FAM3B: variants seen among roughly 807,000 people sequenced by gnomAD.
FAM3B encodes the protein FAM3 metabolism regulating signaling molecule B, also known as protein FAM3B.
A neutral mutation model predicts 28.4 loss-of-function variants in FAM3B; 29 were observed. The ratio of observed to expected loss-of-function variants is 1.02; its 90% CI spans 0.76 to 1.39. FAM3B has a LOEUF of 1.39. Among genes scored for constraint, FAM3B ranks in the 40% most tolerant of loss-of-function variants. The pLI, the probability that FAM3B is intolerant of heterozygous loss-of-function variation, is 0.00. For synonymous variants in FAM3B, 91 were observed against 103.0 expected, an observed-to-expected ratio of 0.88 and a Z score of 0.71; for missense variants, 266 against 293.9, an observed-to-expected ratio of 0.91 and a Z score of 0.69.
At chr21:41,354,269 G>GA (rs2089145898) in intron 7 of FAM3B, among the ~76,000 whole-genome samples, 1 of 152,182 alleles carries the variant, frequency 6.6e-6, no homozygotes. Context: ...TATTTGACCA[G>GA]CAATCCCATT....
intron 2 of FAM3B, among the ~76,000 whole-genome samples, chr21:41,331,826 T>C (rs1248388328): frequency 6.6e-6 from 1 of 152,234 alleles, no homozygotes; most frequent in African/African-American, 2.4e-5. Flanking sequence ...CTTGCTTCTG[T>C]TTTCTGTCTA....
chr21:41,352,820 T>TAAATAAATAAATAAAC (rs61423023), intron 7 of FAM3B, among the ~76,000 whole-genome samples: 10,989 of 150,016 alleles, frequency 0.073, 1,217 homozygotes, highest in African/African-American at 0.23. Context: ...AATAAATAAA[T>TAAATAAATAAATAAAC]AAATAAAGGA....
chr21:41,344,653 A>G, intron 4 of FAM3B, 119 bp downstream of exon 4: 1 of 718,840 alleles, frequency 1.4e-6, no homozygotes, highest in East Asian at 2.7e-5. Flanking sequence ...ATTTTAATGC[A>G]TTTTAAGATT....
rs66513129 is a variant in FAM3B, at chr21:41,348,105, CTCTAAA to C, written c.486-483_486-478del. ...TTCCTGTCTACCCTCCTGTCACTTC[CTCTAAA>C]TCTTAATGTTTGCAGTGGCAGTATT... On this transcript the variant is annotated intron_variant, in intron 6 of 7. Transcript: ENST00000357985. Among the ~76,000 whole-genome samples, 354 of 152,316 alleles carry C rather than the reference CTCTAAA, an allele frequency of 2.3e-3. 3 individuals are homozygous for C. Among genetic ancestry groups the C allele is most frequent in the Middle Eastern group, 0.01 (3 of 294 alleles).
intron 1 of FAM3B, among the ~76,000 whole-genome samples, chr21:41,308,431 G>A (rs1180236459): frequency 1.3e-5 from 2 of 152,136 alleles, no homozygotes; most frequent in Non-Finnish European, 2.9e-5. Flanking sequence ...AACAATCTGT[G>A]CAGCTGCCGT....
At chr21:41,315,403 A>G (rs141379970), upstream of FAM3B, among the ~76,000 whole-genome samples, 231 of 152,322 alleles carry the variant, frequency 1.5e-3, no homozygotes, top group African/African-American at 5.4e-3. Flanking sequence ...AAGATGGCTA[A>G]GGTGGTAATT....
intron 2 of FAM3B, among the ~76,000 whole-genome samples, chr21:41,335,552 C>CT (rs1321945499): frequency 6.6e-6 from 1 of 152,158 alleles, no homozygotes; most frequent in Non-Finnish European, 1.5e-5. Context: ...CTTTGCCTTC[C>CT]ACCATGATTG....
chr21:41,338,501 T>C lies in FAM3B; in HGVS notation c.287T>C (p.Leu96Pro), dbSNP rs1601364567. 8.7e-6 allele frequency: 14 copies of C among 1,613,952 alleles called. No individual in the cohort carries two copies. The highest frequency in any genetic ancestry group is 1.1e-5 in the Non-Finnish European group (13 of 1,179,986). Residue 96 changes from leucine to proline, a missense_variant and splice_region_variant, in exon 3 of 8, where the codon CTA becomes CCA. Coordinates refer to ENST00000357985, the MANE Select transcript of FAM3B (RefSeq NM_058186.4). ...KYAKICFEDN[L>P]LMGEQLGNVA... ...GCCAAAATCTGCTTTGAGGATAACC[T>C]GTAAGTACCAGCGTTTAGAAGGAAA...
intron 3 of FAM3B, among the ~76,000 whole-genome samples, chr21:41,340,316 G>C (rs1408466844): frequency 6.6e-6 from 1 of 152,102 alleles, no homozygotes; most frequent in Non-Finnish European, 1.5e-5. Context: ...ACCATGCCCA[G>C]CTAATTTTTG....
Position 41,344,482 on chromosome 21 carries a change from G to T in FAM3B, c.294G>T (p.Met98Ile), listed in dbSNP as rs1237654939. 7 of 1,613,888 alleles carry T rather than the reference G, an allele frequency of 4.3e-6. No individual in the cohort carries two copies. Among genetic ancestry groups the T allele is most frequent in the South Asian group, 1.1e-5 (1 of 91,084 alleles). ...ATGCTTAGCTCCATTTCAGACTTATGGGAGAACAGCTGGGAAATGTTGCCA... is the reference window on the plus strand; with the variant it reads ...ATGCTTAGCTCCATTTCAGACTTATTGGAGAACAGCTGGGAAATGTTGCCA... ...AKICFEDNLL[M>I]GEQLGNVARG... is the part of the protein sequence containing the mutation. Residue 98 changes from methionine to isoleucine, a missense_variant, in exon 4 of 8, where the codon ATG becomes ATT. Transcript: ENST00000357985.
upstream of FAM3B, among the ~76,000 whole-genome samples, chr21:41,313,972 A>G (rs2088729922): frequency 6.6e-6 from 1 of 152,214 alleles, no homozygotes; most frequent in South Asian, 2.1e-4. Context: ...TCTAGCTGCC[A>G]TGGATGAATT....
chr21:41,341,327 C>A (rs1343633980), intron 3 of FAM3B, among the ~76,000 whole-genome samples: 3 of 152,200 alleles, frequency 2.0e-5, no homozygotes, highest in African/African-American at 7.2e-5. Context: ...ATGAATATAT[C>A]ATTTTGTAAT....
chr21:41,334,190 G>A (rs1447661224), intron 2 of FAM3B, among the ~76,000 whole-genome samples: 1 of 152,206 alleles, frequency 6.6e-6, no homozygotes, highest in African/African-American at 2.4e-5. Flanking sequence ...GTGCAGCCTG[G>A]CCATGTGGTA....
At chr21:41,311,254 ATATATATAT>A (rs2088711445) in intron 1 of FAM3B, among the ~76,000 whole-genome samples, 25 of 28,234 alleles carry the variant, frequency 8.9e-4, no homozygotes, top group South Asian at 2.6e-3. Context: ...AAAAAAAAAT[ATATATATAT>A]ATATATATAT....
At chr21:41,309,134 A>G (rs1245147048) in intron 1 of FAM3B, among the ~76,000 whole-genome samples, 2 of 152,254 alleles carry the variant, frequency 1.3e-5, no homozygotes, top group African/African-American at 2.4e-5. Flanking sequence ...CAGGGTGGCC[A>G]GGGATTTCCA....
At chr21:41,349,663 A>G (rs917204638) in intron 7 of FAM3B, among the ~76,000 whole-genome samples, 1 of 152,180 alleles carries the variant, frequency 6.6e-6, no homozygotes, top group Non-Finnish European at 1.5e-5. Context: ...TCTTGTTGCC[A>G]TGACCACCTG....
chr21:41,344,197 C>T (rs1568921028), intron 3 of FAM3B, among the ~76,000 whole-genome samples: 2 of 152,220 alleles, frequency 1.3e-5, no homozygotes, highest in Admixed American at 6.5e-5. Context: ...AGTTTTTCTT[C>T]CCCCTAGCCA....
chr21:41,355,476 A>T, intron 7 of FAM3B, among the ~76,000 whole-genome samples: 1 of 152,236 alleles, frequency 6.6e-6, no homozygotes, highest in Non-Finnish European at 1.5e-5. Context: ...TAGCCATACA[A>T]TGGAATATAT....
chr21:41,349,916 G>A (rs1326502585), intron 7 of FAM3B, among the ~76,000 whole-genome samples: 2 of 152,010 alleles, frequency 1.3e-5, no homozygotes, highest in African/African-American at 2.4e-5. Context: ...AATGTTTCCC[G>A]GGGCCCTGGC....
Sources: allele counts gnomAD v4.1 joint callset (sites outside exome capture counted in the v4.1 genomes callset), GRCh38; gene constraint gnomAD v4.1.1; transcripts MANE v1.5; gene names NCBI Gene and HGNC (gene_info 2026-07-23, HGNC 2026-07-21).